Variants in DAOA observed in about 807,000 individuals in gnomAD.
The protein encoded by DAOA is D-amino acid oxidase activator.
Under a neutral mutation model 16.4 loss-of-function variants are expected in DAOA, and 15 were observed. The observed-to-expected ratio is 0.91, with a 90% confidence interval of 0.61 to 1.41. DAOA has a LOEUF of 1.41. DAOA is among the 40% of genes most tolerant of loss of function. The pLI is 0.00. For missense variants in DAOA, 230 were observed against 176.8 expected (o/e 1.30, Z -1.71); for synonymous variants, 75 against 59.1 (o/e 1.27, Z -1.23).
intron 2 of DAOA, among the ~76,000 whole-genome samples, chr13:105,466,782 G>A (rs1876549515): frequency 6.6e-6 from 1 of 152,048 alleles, no homozygotes; most frequent in Non-Finnish European, 1.5e-5. Context: ...AAAAAGCAAA[G>A]GTTTGAGAGC....
At chr13:105,485,235 GC>G (rs1338380775) in intron 4 of DAOA, among the ~76,000 whole-genome samples, 1 of 152,038 alleles carries the variant, frequency 6.6e-6, no homozygotes, top group Non-Finnish European at 1.5e-5. Flanking sequence ...AATTCCAAAG[GC>G]ATTTTTAACC....
At chr13:105,485,900 C>A (rs1878071599) in intron 4 of DAOA, among the ~76,000 whole-genome samples, 1 of 152,150 alleles carries the variant, frequency 6.6e-6, no homozygotes, top group African/African-American at 2.4e-5. Context: ...AACCTCCATC[C>A]CAAACTGGGA....
intron 4 of DAOA, among the ~76,000 whole-genome samples, chr13:105,485,996 T>C (rs1878078507): frequency 6.6e-6 from 1 of 152,138 alleles, no homozygotes; most frequent in Admixed American, 6.5e-5. Flanking sequence ...CCCATCCCCA[T>C]CACCTTATTT....
intron 4 of DAOA, among the ~76,000 whole-genome samples, chr13:105,479,207 G>T (rs183150924): frequency 7.9e-5 from 12 of 152,178 alleles, no homozygotes; most frequent in East Asian, 5.8e-4. Context: ...TTGTTTCTTG[G>T]TTTTTTCAAG....
At chr13:105,472,782 G>A (rs1334040277) in intron 4 of DAOA, 97 bp downstream of exon 4, 1 of 1,074,898 alleles carries the variant, frequency 9.3e-7, no homozygotes, top group East Asian at 2.6e-5. Flanking sequence ...TTTAATATTA[G>A]ATTATACTTC....
intron 3 of DAOA, among the ~76,000 whole-genome samples, chr13:105,470,765 A>G (rs1426522563): frequency 2.0e-5 from 3 of 150,426 alleles, no homozygotes; most frequent in African/African-American, 4.9e-5. Flanking sequence ...ACACACCACC[A>G]CAACTAGCTA....
At chr13:105,486,995 C>T (rs983836679) in intron 4 of DAOA, among the ~76,000 whole-genome samples, 4 of 152,064 alleles carry the variant, frequency 2.6e-5, no homozygotes, top group Admixed American at 2.6e-4. Flanking sequence ...CATTTCCAAA[C>T]AATTCCATGG....
At chr13:105,473,679 C>A (rs1477901674) in intron 4 of DAOA, among the ~76,000 whole-genome samples, 1 of 152,052 alleles carries the variant, frequency 6.6e-6, no homozygotes, top group African/African-American at 2.4e-5. Context: ...AGGACTATTG[C>A]AGAGTAATTC....
intron 4 of DAOA, among the ~76,000 whole-genome samples, chr13:105,484,544 A>C (rs921543273): frequency 3.9e-5 from 6 of 152,082 alleles, no homozygotes; most frequent in African/African-American, 1.4e-4. Flanking sequence ...ATTTTGTCAG[A>C]TTTATCTGGA....
At chr13:105,466,557 G>A (rs907527299) in intron 2 of DAOA, 1 of 637,948 alleles carries the variant, frequency 1.6e-6, no homozygotes, top group South Asian at 2.6e-5. Context: ...AGGAGACATA[G>A]GCCCTCACCT....
chr13:105,468,599 A>G (rs1876706165), intron 3 of DAOA, among the ~76,000 whole-genome samples: 1 of 152,266 alleles, frequency 6.6e-6, no homozygotes. Context: ...TGAGAGTGAC[A>G]GATATGAAAT....
chr13:105,473,794 A>G (rs1877157166), intron 4 of DAOA, among the ~76,000 whole-genome samples: 1 of 152,158 alleles, frequency 6.6e-6, no homozygotes, highest in East Asian at 1.9e-4. Context: ...GTGTTCTATA[A>G]GAGGTTATTT....
rs901338842 is a variant in DAOA, at chr13:105,466,326, T to G, written c.38T>G (p.Leu13Arg). 1 of 1,614,058 alleles carries G rather than the reference T, an allele frequency of 6.2e-7. No homozygotes were observed. ...CTGATGGGTGCTGATTCTCTCCAGC[T>G]TTTCAGGTAGGTAGCTTGGGGTTTT... ...EKLMGADSLQ[L>R]FRSRYTLGKI... Residue 13 changes from leucine (L) to arginine (R), a missense_variant, in exon 2 of 6, where the codon CTT becomes CGT. Transcript: ENST00000375936.
At chr13:105,473,636 A>T (rs544351717) in intron 4 of DAOA, among the ~76,000 whole-genome samples, 1 of 152,248 alleles carries the variant, frequency 6.6e-6, no homozygotes, top group South Asian at 2.1e-4. Context: ...TGGAAAAGTC[A>T]CTCACTGAAA....
At chr13:105,480,347 G>C (rs1195514612) in intron 4 of DAOA, among the ~76,000 whole-genome samples, 2 of 152,000 alleles carry the variant, frequency 1.3e-5, no homozygotes, top group Non-Finnish European at 2.9e-5. Flanking sequence ...GTATTACATG[G>C]AATTTTACAT....
At chr13:105,483,793 C>T (rs1179113918) in intron 4 of DAOA, among the ~76,000 whole-genome samples, 1 of 151,726 alleles carries the variant, frequency 6.6e-6, no homozygotes, top group Non-Finnish European at 1.5e-5. Context: ...GGAGAATTGT[C>T]TTTTAATTTT....
chr13:105,476,145 G>C (rs1198409632), intron 4 of DAOA, among the ~76,000 whole-genome samples: 2 of 151,908 alleles, frequency 1.3e-5, no homozygotes, highest in Non-Finnish European at 2.9e-5. Context: ...GACTCTTTCA[G>C]AGACATTTTA....
intron 3 of DAOA, among the ~76,000 whole-genome samples, chr13:105,467,425 C>G (rs1319062769): frequency 6.6e-6 from 1 of 152,072 alleles, no homozygotes; most frequent in Non-Finnish European, 1.5e-5. Context: ...AAATTTTTCC[C>G]TCAATCCATG....
At chr13:105,480,518 G>GGATA (rs1304542023) in intron 4 of DAOA, among the ~76,000 whole-genome samples, 4 of 141,108 alleles carry the variant, frequency 2.8e-5, no homozygotes, top group Middle Eastern at 3.7e-3. Flanking sequence ...ATGGATGGAT[G>GGATA]GATAGATACA....
Sources: allele counts gnomAD v4.1 joint callset (sites outside exome capture counted in the v4.1 genomes callset), GRCh38; gene constraint gnomAD v4.1.1; transcripts MANE v1.5; gene names NCBI Gene and HGNC (gene_info 2026-07-23, HGNC 2026-07-21).